FBXL17: variants seen among roughly 807,000 people sequenced by gnomAD.
The protein encoded by FBXL17 is F-box and leucine rich repeat protein 17.
A neutral mutation model predicts 66.2 loss-of-function variants in FBXL17; 22 were observed. That is an observed-to-expected ratio of 0.33 (90% CI 0.24 to 0.47). The LOEUF (loss-of-function observed/expected upper bound fraction) is 0.47, where lower values mean the gene tolerates loss of function less well. Ranked by LOEUF, FBXL17 falls within the 20% of genes least tolerant of loss-of-function variation. The probability of loss-of-function intolerance (pLI) is 1.00; values close to 1 mark genes in which losing one functional copy is unlikely to be tolerated. For missense variants in FBXL17, 878 were observed against 948.2 expected, an observed-to-expected ratio of 0.93 and a Z score of 0.97; for synonymous variants, 474 against 400.5, an observed-to-expected ratio of 1.18 and a Z score of -2.19.
chr5:107,960,770 T>C (rs1751869603), intron 7 of FBXL17, among the ~76,000 whole-genome samples: 1 of 152,190 alleles, frequency 6.6e-6, no homozygotes, highest in African/African-American at 2.4e-5. Flanking sequence ...AAAATGCTAA[T>C]ACTGTAACAT....
intron 7 of FBXL17, among the ~76,000 whole-genome samples, chr5:107,942,959 C>T (rs1289557991): frequency 4.6e-5 from 7 of 152,116 alleles, no homozygotes; most frequent in Non-Finnish European, 8.8e-5. Flanking sequence ...GGACACTTTT[C>T]AGGTCCTCGT....
intron 7 of FBXL17, among the ~76,000 whole-genome samples, chr5:107,942,751 G>A (rs1431192935): frequency 6.9e-6 from 1 of 145,504 alleles, no homozygotes; most frequent in Non-Finnish European, 1.5e-5. Context: ...TGTACAAACA[G>A]GCACAATTAT....
chr5:108,219,134 T>C (rs891888304), intron 5 of FBXL17, among the ~76,000 whole-genome samples: 1 of 152,224 alleles, frequency 6.6e-6, no homozygotes, highest in African/African-American at 2.4e-5. Context: ...TTATCAAGTT[T>C]TTAAAATGTG....
At chr5:108,154,287 G>GA (rs56042627) in intron 6 of FBXL17, among the ~76,000 whole-genome samples, 85 of 98,374 alleles carry the variant, frequency 8.6e-4, no homozygotes, top group African/African-American at 2.1e-3. Flanking sequence ...GATCACAGCT[G>GA]AAAAAAAAAA....
intron 6 of FBXL17, among the ~76,000 whole-genome samples, chr5:108,123,238 A>T (rs556702144): frequency 6.6e-6 from 1 of 152,048 alleles, no homozygotes; most frequent in East Asian, 1.9e-4. Flanking sequence ...GAATTGCTCA[A>T]ATATCTCTAT....
intron 6 of FBXL17, among the ~76,000 whole-genome samples, chr5:108,167,304 G>A (rs919063341): frequency 6.6e-6 from 1 of 152,152 alleles, no homozygotes. Context: ...TGGTGATAAA[G>A]CATCGATGAT....
intron 7 of FBXL17, among the ~76,000 whole-genome samples, chr5:107,994,326 T>A (rs1753379850): frequency 2.6e-5 from 4 of 152,120 alleles, no homozygotes; most frequent in Admixed American, 6.5e-5. Flanking sequence ...GATAACATGT[T>A]TTCTTGCTAA....
At chr5:108,295,886 T>C (rs535691611) in intron 4 of FBXL17, among the ~76,000 whole-genome samples, 3 of 150,596 alleles carry the variant, frequency 2.0e-5, no homozygotes, top group African/African-American at 7.3e-5. Context: ...GATTCGACTG[T>C]GTAGCACACA....
At chr5:108,085,297 G>A (rs1191766664) in intron 6 of FBXL17, among the ~76,000 whole-genome samples, 1 of 152,156 alleles carries the variant, frequency 6.6e-6, no homozygotes, top group African/African-American at 2.4e-5. Flanking sequence ...TGCCCATACA[G>A]GTAAGGTAAA....
chr5:108,126,077 T>A (rs1750685028), intron 6 of FBXL17, among the ~76,000 whole-genome samples: 1 of 152,240 alleles, frequency 6.6e-6, no homozygotes, highest in South Asian at 2.1e-4. Context: ...AGAGCAATCA[T>A]GTGCAGTTAT....
intron 7 of FBXL17, among the ~76,000 whole-genome samples, chr5:108,016,103 T>C (rs1475286341): frequency 3.9e-5 from 6 of 152,216 alleles, no homozygotes; most frequent in Non-Finnish European, 2.9e-5. Flanking sequence ...GTCTGACATA[T>C]GGCAGCCCAA....
intron 1 of FBXL17, among the ~76,000 whole-genome samples, chr5:108,376,192 A>G (rs1221185602): frequency 6.6e-6 from 1 of 152,178 alleles, no homozygotes; most frequent in Non-Finnish European, 1.5e-5. Flanking sequence ...TAAAAGTCTA[A>G]AAGTTTTTCC....
At chr5:108,296,818 C>A (rs759811061) in intron 4 of FBXL17, among the ~76,000 whole-genome samples, 6 of 151,266 alleles carry the variant, frequency 4.0e-5, no homozygotes, top group Non-Finnish European at 7.4e-5. Context: ...TCGACAGTAT[C>A]CATTTCAAAC....
chr5:108,186,629 G>A (rs1201036205), intron 5 of FBXL17, among the ~76,000 whole-genome samples: 2 of 152,014 alleles, frequency 1.3e-5, no homozygotes, highest in African/African-American at 4.8e-5. Flanking sequence ...AATTAGCTGG[G>A]CGTAGTGGTG....
intron 6 of FBXL17, among the ~76,000 whole-genome samples, chr5:108,171,439 T>A (rs967220871): frequency 1.3e-5 from 2 of 152,212 alleles, no homozygotes; most frequent in African/African-American, 4.8e-5. Flanking sequence ...CTATCTGTGC[T>A]CCATTTTACT....
chr5:108,068,461 G>C (rs1168988874), intron 6 of FBXL17, among the ~76,000 whole-genome samples: 2 of 138,908 alleles, frequency 1.4e-5, no homozygotes, highest in African/African-American at 2.7e-5. Context: ...CTTTTTTTGG[G>C]GGGGGGGCGG....
chr5:107,887,298 A>G (rs1454552743), intron 7 of FBXL17, among the ~76,000 whole-genome samples: 3 of 152,248 alleles, frequency 2.0e-5, no homozygotes, highest in Non-Finnish European at 2.9e-5. Flanking sequence ...CTAAGTGACA[A>G]CATTTTCACA....
intron 6 of FBXL17, among the ~76,000 whole-genome samples, chr5:108,048,142 T>C (rs1378749269): frequency 6.6e-6 from 1 of 152,168 alleles, no homozygotes; most frequent in Non-Finnish European, 1.5e-5. Flanking sequence ...TCTCCAGGCA[T>C]GGGAGCAAAG....
chr5:108,168,553 T>C (rs1752493296), intron 6 of FBXL17, among the ~76,000 whole-genome samples: 1 of 152,230 alleles, frequency 6.6e-6, no homozygotes, highest in African/African-American at 2.4e-5. Context: ...AAGGATTAAC[T>C]GTTTTGAAGA....
Sources: gnomAD v4.1 joint callset for allele counts (sites outside exome capture counted in the v4.1 genomes callset) on GRCh38, gnomAD v4.1.1 for gene constraint, MANE v1.5 for transcripts, NCBI Gene and HGNC (gene_info 2026-07-23, HGNC 2026-07-21) for gene names.